Variants in SHROOM2 observed in about 807,000 individuals in gnomAD.
SHROOM2 encodes shroom family member 2.
SHROOM2 carries 33 observed loss-of-function variants against 75.9 expected under a neutral mutation model. The ratio of observed to expected loss-of-function variants is 0.43; its 90% confidence interval spans 0.33 to 0.58. The LOEUF (loss-of-function observed/expected upper bound fraction) is 0.58. Among genes scored for constraint, SHROOM2 ranks in the 20% least tolerant of loss-of-function variants. The pLI, the probability that SHROOM2 is intolerant of heterozygous loss-of-function variation, is 0.04. For synonymous variants in SHROOM2, 655 were observed against 663.6 expected (o/e 0.99, Z 0.20); for missense variants, 1,434 against 1,461.2 (o/e 0.98, Z 0.30).
At chrX:9,929,232 C>T (rs191049088) in intron 5 of SHROOM2, among the ~76,000 whole-genome samples, 4 of 106,890 alleles carry the variant, frequency 3.7e-5, no homozygotes, top group Admixed American at 2.1e-4. Context: ...TTATCAACTG[C>T]GACAATAAAA....
At chrX:9,834,272 AGTGCTGG>A (rs777341379) in intron 1 of SHROOM2, among the ~76,000 whole-genome samples, 1,172 of 111,875 alleles carry the variant, frequency 0.01, 19 homozygotes, top group African/African-American at 0.035. Flanking sequence ...GCACCAGGAG[AGTGCTGG>A]GGAAGCCTGT....
At chrX:9,843,398 CT>C (rs371798781) in intron 1 of SHROOM2, among the ~76,000 whole-genome samples, 322 of 101,447 alleles carry the variant, frequency 3.2e-3, no homozygotes, top group Non-Finnish European at 2.9e-3. Context: ...AACCACATGA[CT>C]TTTTTTTTTT....
At chrX:9,847,059 C>G (rs778061907) in intron 1 of SHROOM2, among the ~76,000 whole-genome samples, 16 of 112,279 alleles carry the variant, frequency 1.4e-4, no homozygotes, top group African/African-American at 3.9e-4. Context: ...ATTTTGGTTT[C>G]CAAAAGCCTT....
intron 1 of SHROOM2, among the ~76,000 whole-genome samples, chrX:9,867,609 G>T (rs982833807): frequency 9.0e-6 from 1 of 111,196 alleles, no homozygotes; most frequent in African/African-American, 3.3e-5. Flanking sequence ...CTTCCCTAAG[G>T]TGCCTAATTA....
chrX:9,948,621 TATAG>T lies in SHROOM2; in HGVS notation c.*1686_*1689del, dbSNP rs2084843840. 8.8e-6 allele frequency: 1 copy of T among 113,766 alleles called. No individual in the cohort carries two copies. The highest frequency in any genetic ancestry group is 2.8e-4 in the East Asian group (1 of 3,618). The allele number at this position is 113,766 out of a possible 1,213,427, so 9.4% of individuals were successfully genotyped here. On this transcript the variant is annotated 3_prime_UTR_variant, in exon 10 of 10. Coordinates refer to ENST00000380913, the MANE Select transcript of SHROOM2 (RefSeq NM_001649.4). ...GCCGTGTTGACGGTAATGCATTCTC[TATAG>T]AGCCAAGTCCAAACTGGCAAGCTCA... is the stretch of plus-strand genomic sequence containing the variant.
At chrX:9,791,259 T>C (rs1312996172) in intron 1 of SHROOM2, among the ~76,000 whole-genome samples, 1 of 111,908 alleles carries the variant, frequency 8.9e-6, no homozygotes, top group Non-Finnish European at 1.9e-5. Flanking sequence ...GGTTTCTTAA[T>C]CTACCTTTGT....
chrX:9,786,441 A>G lies in SHROOM2; in HGVS notation c.-105A>G. On this transcript the variant is annotated 5_prime_UTR_variant, in exon 1 of 10. Transcript: ENST00000380913. The stretch of plus-strand genomic sequence containing the variant: ...CCGCCGGGCCGGCACTTTCTTTCCA[A>G]GTTACGGCGCAAGTTCTGCGGCGCT... 1 of 653,580 alleles carries G rather than the reference A, an allele frequency of 1.5e-6. No homozygotes were observed. The highest frequency in any genetic ancestry group is 1.9e-6 in the Non-Finnish European group (1 of 528,235). 53.9% of individuals were successfully genotyped at this position (653,580 alleles called of 1,213,427 possible).
Position 9,838,733 on chromosome X carries a change from A to G in SHROOM2, c.166-34919A>G, listed in dbSNP as rs974134577. Among the ~76,000 whole-genome samples the G allele has an allele frequency of 1.2e-4, 13 of 111,953 alleles. 1 individual carries two copies. The highest frequency in any genetic ancestry group is 5.7e-4 in the Admixed American group (6 of 10,505). ...TGCCCCTTCGTGCCTGAATTTGGCT[A>G]GGAAAACATTGGCATGGGAGCGCCA... On this transcript the variant is annotated intron_variant, in intron 1 of 9. Transcript: ENST00000380913.
chrX:9,899,677 T>G (rs1012364943), intron 5 of SHROOM2, among the ~76,000 whole-genome samples: 1 of 112,376 alleles, frequency 8.9e-6, no homozygotes, highest in Non-Finnish European at 1.9e-5. Flanking sequence ...CTTAACAGAC[T>G]CTGAGGCTGA....
chrX:9,910,816 C>A (rs867022791), intron 5 of SHROOM2, among the ~76,000 whole-genome samples: 10 of 95,606 alleles, frequency 1.0e-4, no homozygotes, highest in African/African-American at 1.2e-4. Flanking sequence ...GACTCCATCT[C>A]AAAAAAAAAA....
At chrX:9,825,285 G>T (rs1457334207) in intron 1 of SHROOM2, among the ~76,000 whole-genome samples, 1 of 112,218 alleles carries the variant, frequency 8.9e-6, no homozygotes, top group African/African-American at 3.2e-5. Flanking sequence ...CCTGCACTGG[G>T]GTTATTGCAC....
In SHROOM2 at chrX:9,944,762, G is replaced by A; in HGVS notation, c.4433G>A (p.Gly1478Asp). 1 of 1,212,393 alleles carries A rather than the reference G, an allele frequency of 8.2e-7. No individual in the cohort carries two copies. Among genetic ancestry groups the A allele is most frequent in the Non-Finnish European group, 1.1e-6 (1 of 895,649 alleles). ...LGAEVEAIVKGVCKPSEFDKF... is the reference protein window; with the variant it reads ...LGAEVEAIVKDVCKPSEFDKF... Reference sequence around the variant, plus strand: ...GCCGAGGTGGAGGCCATCGTGAAAGGCGTCTGCAAGCCCAGCGAGTTTGAC... The same window carrying A: ...GCCGAGGTGGAGGCCATCGTGAAAGACGTCTGCAAGCCCAGCGAGTTTGAC... Residue 1478 changes from glycine (G) to aspartate (D), a missense_variant, in exon 9 of 10, where the codon GGC becomes GAC. Coordinates refer to ENST00000380913, the MANE Select transcript of SHROOM2 (RefSeq NM_001649.4).
chrX:9,905,410 G>C lies in SHROOM2; in HGVS notation c.2891+7120G>C, dbSNP rs529414798. Among the ~76,000 whole-genome samples the C allele has an allele frequency of 4.4e-5, 5 of 112,950 alleles. No individual in the cohort carries two copies. In the Admixed American group the frequency reaches 4.7e-4, roughly 11 times the overall value. On this transcript the variant is annotated intron_variant, in intron 5 of 9. Coordinates refer to ENST00000380913, the MANE Select transcript of SHROOM2 (RefSeq NM_001649.4). Reference sequence around the variant, plus strand: ...CAAACCCAAAGAATTCCTAGAGGAGGCCGCCAGAGCTAGCAGCACGTGTCA... The same window carrying C: ...CAAACCCAAAGAATTCCTAGAGGAGCCCGCCAGAGCTAGCAGCACGTGTCA...
At chrX:9,830,207 A>G (rs1012023176) in intron 1 of SHROOM2, among the ~76,000 whole-genome samples, 2 of 111,849 alleles carry the variant, frequency 1.8e-5, no homozygotes, top group South Asian at 3.7e-4. Context: ...GATTACAGGC[A>G]TGGGCCACCG....
intron 1 of SHROOM2, among the ~76,000 whole-genome samples, chrX:9,805,837 G>A (rs965993446): frequency 1.7e-4 from 18 of 108,081 alleles, no homozygotes; most frequent in African/African-American, 6.1e-4. Flanking sequence ...CTGGGAGGCG[G>A]AGGTTGCAGT....
At chrX:9,855,458 C>T (rs1285616318) in intron 1 of SHROOM2, among the ~76,000 whole-genome samples, 1 of 110,362 alleles carries the variant, frequency 9.1e-6, no homozygotes, top group Non-Finnish European at 1.9e-5. Flanking sequence ...AATTTGGGGG[C>T]AGAAATTTTT....
At chrX:9,818,830 T>A (rs2083836743) in intron 1 of SHROOM2, 2 of 494,785 alleles carry the variant, frequency 4.0e-6, no homozygotes, top group Non-Finnish European at 7.2e-6. Flanking sequence ...TTTTTCCAAA[T>A]CATCATGGAG....
Position 9,896,045 on chromosome X carries a change from T to C in SHROOM2, c.2137T>C (p.Ser713Pro), listed in dbSNP as rs149540115. ...DPNPGDLYPE[S>P]LEHRMGDPDT... ...CAACCCAGGAGACCTATACCCGGAG[T>C]CACTGGAACACCGGATGGGGGATCC... The change falls in exon 4 of 10, where the codon TCA becomes CCA. Residue 713 changes from serine to proline, a missense_variant. Transcript: ENST00000380913. The C allele has an allele frequency of 6.2e-4, 748 of 1,208,957 alleles. 3 individuals carry two copies. In the African/African-American group the frequency reaches 0.011, roughly 19 times the overall value.
intron 1 of SHROOM2, among the ~76,000 whole-genome samples, chrX:9,792,466 T>TGTTG (rs1555919992): frequency 2.8e-5 from 3 of 108,200 alleles, no homozygotes; most frequent in East Asian, 2.9e-4. Flanking sequence ...TGTTTTTTTT[T>TGTTG]TTGTTGTTGT....
Sources: allele counts gnomAD v4.1 joint callset (sites outside exome capture counted in the v4.1 genomes callset), GRCh38; gene constraint gnomAD v4.1.1; transcripts MANE v1.5; gene names NCBI Gene and HGNC (gene_info 2026-07-23, HGNC 2026-07-21).